The following DNAH5 variants were observed in gnomAD, a reference collection of about 807,000 sequenced individuals.
The protein encoded by DNAH5 is axonemal beta dynein heavy chain 5.
A neutral mutation model predicts 518.2 loss-of-function variants in DNAH5; 372 were observed. The observed-to-expected ratio is 0.72, with a 90% CI of 0.66 to 0.78. The LOEUF (loss-of-function observed/expected upper bound fraction) is 0.78. Ranked by LOEUF, DNAH5 falls within the 30% of genes least tolerant of loss-of-function variation. DNAH5 has a pLI of 0.00. For synonymous variants in DNAH5, 2,039 were observed against 2,025.9 expected (o/e 1.01, Z -0.17); for missense variants, 5,523 against 5,687.0 (o/e 0.97, Z 0.93).
chr5:14,006,720 T>C (rs943285450), intron 1 of DNAH5, among the ~76,000 whole-genome samples: 2 of 152,218 alleles, frequency 1.3e-5, no homozygotes, highest in African/African-American at 4.8e-5. Flanking sequence ...TAAGCACTTA[T>C]GCTGTGGTAC....
Position 13,741,893 on chromosome 5 carries a change from A to G in DNAH5, c.11212-4398T>C, listed in dbSNP as rs184391925. Among the ~76,000 whole-genome samples the G allele has an allele frequency of 2.7e-3, 405 of 152,272 alleles. 2 individuals carry two copies. Among genetic ancestry groups the G allele is most frequent in the Non-Finnish European group, 4.3e-3 (293 of 68,008 alleles). ...TGCAAGCCTCAGTATTTTCATCCACAAAATGTATGTAAAAACTGCTCATAG... is the reference window on the plus strand; with the variant it reads ...TGCAAGCCTCAGTATTTTCATCCACGAAATGTATGTAAAAACTGCTCATAG... On this transcript the variant is annotated intron_variant, in intron 65 of 78. Coordinates refer to ENST00000265104, the MANE Select transcript of DNAH5 (RefSeq NM_001369.3).
chr5:13,865,497 C>G (rs1408455734), intron 27 of DNAH5, among the ~76,000 whole-genome samples, 171 bp downstream of exon 27: 1 of 152,164 alleles, frequency 6.6e-6, no homozygotes, highest in Non-Finnish European at 1.5e-5. Context: ...ATTGTGTACA[C>G]ACAGGAGTAA....
intron 2 of DNAH5, among the ~76,000 whole-genome samples, chr5:13,929,205 C>T (rs1272857510): frequency 2.0e-5 from 3 of 152,168 alleles, no homozygotes; most frequent in African/African-American, 4.8e-5. Flanking sequence ...CCTTGCAAAC[C>T]TTACACTAAG....
chr5:13,778,362 C>A (rs1754410865), intron 53 of DNAH5, among the ~76,000 whole-genome samples: 2 of 150,038 alleles, frequency 1.3e-5, no homozygotes, highest in Non-Finnish European at 3.0e-5. Context: ...GAAGTGAGAT[C>A]CGAGAGATCA....
intron 22 of DNAH5, among the ~76,000 whole-genome samples, chr5:13,874,536 G>C (rs964857108): frequency 6.7e-6 from 1 of 149,718 alleles, no homozygotes; most frequent in African/African-American, 2.5e-5. Flanking sequence ...TTTTTTTTTC[G>C]AGACAAAGTC....
chr5:13,830,561 G>C (rs776548041), intron 36 of DNAH5, 36 bp downstream of exon 36: 1 of 1,606,600 alleles, frequency 6.2e-7, no homozygotes, highest in Non-Finnish European at 8.5e-7. Context: ...CACCTTGGCT[G>C]CAATTTCTCA....
In DNAH5 at chr5:13,753,407, C is replaced by T. The variant is rs765798116; in HGVS notation, c.10698G>A (p.Met3566Ile). 3 of 1,614,080 alleles carry T rather than the reference C, an allele frequency of 1.9e-6. No individual in the cohort carries two copies. Among genetic ancestry groups the T allele is most frequent in the South Asian group, 2.2e-5 (2 of 91,074 alleles). The change falls in exon 63 of 79, where the codon ATG (methionine) becomes ATA (isoleucine). Residue 3566 changes from methionine to isoleucine, a missense_variant. Transcript: ENST00000265104. ...PFGKNLNLSE[M>I]LIDAPTISEW... ...CACTAATAGTAGGAGCATCAATCAA[C>T]ATCTCACTGAGATTTAGGTTCTTTC...
intron 1 of DNAH5, among the ~76,000 whole-genome samples, chr5:13,985,926 G>C (rs143081405): frequency 6.6e-6 from 1 of 152,156 alleles, no homozygotes; most frequent in East Asian, 1.9e-4. Context: ...TGCTCCATTC[G>C]GGATTTTTTC....
chr5:13,871,990 G>A (rs112918152), intron 22 of DNAH5, among the ~76,000 whole-genome samples: 171 of 152,330 alleles, frequency 1.1e-3, no homozygotes, highest in African/African-American at 3.8e-3. Flanking sequence ...CTAAATGGGA[G>A]AGGAGCAGTT....
rs537016848 is a variant in DNAH5, at chr5:13,830,763, C to T, written c.5895G>A (p.Thr1965=). The T allele has an allele frequency of 1.5e-5, 25 of 1,614,062 alleles. No homozygotes were observed. In the East Asian group the frequency reaches 4.0e-4, roughly 26 times the overall value. The change falls in exon 36 of 79, where the codon ACG becomes ACA. Residue 1965 remains threonine (T), a synonymous_variant. Coordinates refer to ENST00000265104, the MANE Select transcript of DNAH5 (RefSeq NM_001369.3). ...ITPLTDRCYI[T]LAQALGMSMG... is the part of the protein sequence containing the mutation. ...TGCTCATTCCCAGAGCTTGAGCCAGCGTGATGTAACATCTGCATGGGTAGA... is the reference window on the plus strand; with the variant it reads ...TGCTCATTCCCAGAGCTTGAGCCAGTGTGATGTAACATCTGCATGGGTAGA...
chr5:13,972,750 C>T (rs1781966525), intron 1 of DNAH5, among the ~76,000 whole-genome samples: 1 of 152,164 alleles, frequency 6.6e-6, no homozygotes, highest in Non-Finnish European at 1.5e-5. Flanking sequence ...TCTCAGCTTT[C>T]CTGGGATGTT....
chr5:13,744,367 T>C (rs1749040237), intron 65 of DNAH5, among the ~76,000 whole-genome samples: 1 of 151,560 alleles, frequency 6.6e-6, no homozygotes, highest in South Asian at 2.1e-4. Flanking sequence ...GAGGGAGAGA[T>C]TTGTTAAGAT....
In DNAH5 at chr5:13,707,575, C is replaced by T. The variant is rs1230308762; in HGVS notation, c.13338+548G>A. ...ACAACCTGCCCCTCTGCATGCTCCC[C>T]CTAGGGATTTCAGCAGCAGGGCACA... On this transcript the variant is annotated intron_variant, in intron 76 of 78. Transcript: ENST00000265104. This position sits in a 1 kb window ranked among gnomAD's most constrained non-coding sequence, Gnocchi z 4.0. 2.0e-5 allele frequency among the ~76,000 whole-genome samples: 3 copies of T among 152,140 alleles called. No individual in the cohort carries two copies. Among genetic ancestry groups the T allele is most frequent in the Non-Finnish European group, 4.4e-5 (3 of 68,022 alleles).
chr5:13,997,400 C>A (rs560042942), intron 1 of DNAH5, among the ~76,000 whole-genome samples: 1 of 152,298 alleles, frequency 6.6e-6, no homozygotes, highest in South Asian at 2.1e-4. Flanking sequence ...ATAAGGATGG[C>A]CTTTCCTCCA....
Position 13,690,422 on chromosome 5 carries a change from T to G in DNAH5, c.*1562A>C, listed in dbSNP as rs1383179020. 6.6e-6 allele frequency: 1 copy of G among 152,158 alleles called. No individual in the cohort carries two copies. Among genetic ancestry groups the G allele is most frequent in the Non-Finnish European group, 1.5e-5 (1 of 68,038 alleles). The allele number at this position is 152,158 out of a possible 1,614,324, so 9.4% of individuals were successfully genotyped here. On this transcript the variant is annotated 3_prime_UTR_variant, in exon 79 of 79. Coordinates refer to ENST00000265104, the MANE Select transcript of DNAH5 (RefSeq NM_001369.3). Reference sequence around the variant, plus strand: ...ATTGTTTCACCACAATTCACACAAATCAACTGATATACTAATCCACACCAA... The same window carrying G: ...ATTGTTTCACCACAATTCACACAAAGCAACTGATATACTAATCCACACCAA...
intron 44 of DNAH5, 125 bp downstream of exon 44, chr5:13,811,522 C>A: frequency 1.1e-6 from 1 of 937,552 alleles, no homozygotes; most frequent in Non-Finnish European, 1.6e-6. Flanking sequence ...CTAACCAAAT[C>A]TAATTTCAAA....
At chr5:13,770,627 T>A in intron 56 of DNAH5, 122 bp downstream of exon 56, 1 of 860,334 alleles carries the variant, frequency 1.2e-6, no homozygotes, top group Non-Finnish European at 1.9e-6. Flanking sequence ...TTCCCTGCCC[T>A]GCCGCCACAG....
intron 1 of DNAH5, among the ~76,000 whole-genome samples, chr5:13,992,414 A>C (rs1783621061): frequency 6.6e-6 from 1 of 152,222 alleles, no homozygotes; most frequent in Non-Finnish European, 1.5e-5. Flanking sequence ...CTCTCTTTTC[A>C]GAATTTTTGT....
intron 22 of DNAH5, among the ~76,000 whole-genome samples, chr5:13,872,493 T>C (rs1019408065): frequency 6.6e-6 from 1 of 152,186 alleles, no homozygotes. Context: ...TTATTATACA[T>C]GTTTCTAGGT....
Sources: allele counts gnomAD v4.1 joint callset (sites outside exome capture counted in the v4.1 genomes callset), GRCh38; gene constraint gnomAD v4.1.1; non-coding constraint Gnocchi (gnomAD v3.1); transcripts MANE v1.5; gene names NCBI Gene and HGNC (gene_info 2026-07-23, HGNC 2026-07-21).